The following YWHAG variants were observed in gnomAD, a reference collection of about 807,000 sequenced individuals.
YWHAG encodes 14-3-3 protein gamma.
In YWHAG, 1 loss-of-function variant was observed where a neutral mutation model predicts 23.3. The ratio of observed to expected loss-of-function variants is 0.04; its 90% CI spans 0.02 to 0.20. YWHAG has a LOEUF of 0.20. Ranked by LOEUF, YWHAG falls within the 10% of genes least tolerant of loss-of-function variation. The pLI is 1.00. For missense variants in YWHAG, 151 were observed against 338.6 expected (o/e 0.45, Z 4.35); for synonymous variants, 160 against 144.0 (o/e 1.11, Z -0.80).
At position 76,343,592 on chromosome 7, in the gene YWHAG, C is replaced by T. The variant is rs76149779; in HGVS notation, c.88-13359G>A. On this transcript the variant is annotated intron_variant, in intron 1 of 1. Coordinates refer to ENST00000307630, the MANE Select transcript of YWHAG (RefSeq NM_012479.4). ...TTCAAAAAGGGTCCTAGTAATTCCT[C>T]CTGATTCTGTCATTCCTTCCACCCA... 6.9e-3 allele frequency among the ~76,000 whole-genome samples: 1,054 copies of T among 152,290 alleles called. 8 individuals are homozygous for T. The highest frequency in any genetic ancestry group is 0.032 in the East Asian group (167 of 5,188).
At chr7:76,349,334 T>C (rs1803836298) in intron 1 of YWHAG, among the ~76,000 whole-genome samples, 1 of 112,138 alleles carries the variant, frequency 8.9e-6, no homozygotes. Context: ...GCAGACTCTG[T>C]CTCAAAAAAA....
At chr7:76,357,913 G>A (rs1238654235) in intron 1 of YWHAG, among the ~76,000 whole-genome samples, 1 of 152,126 alleles carries the variant, frequency 6.6e-6, no homozygotes, top group African/African-American at 2.4e-5. Context: ...TATGTCACAC[G>A]AATCGAACCA....
At chr7:76,358,464 C>T (rs1803996133) in intron 1 of YWHAG, among the ~76,000 whole-genome samples, 1 of 152,038 alleles carries the variant, frequency 6.6e-6, no homozygotes, top group Non-Finnish European at 1.5e-5. Flanking sequence ...CAAGTCCAGC[C>T]CCGCGGGACC....
In YWHAG at chr7:76,329,504, A is replaced by AC; in HGVS notation, c.*72dup. The AC allele has an allele frequency of 1.4e-5, 8 of 580,820 alleles. No homozygotes were observed. Among genetic ancestry groups the AC allele is most frequent in the Non-Finnish European group, 1.7e-5 (6 of 355,214 alleles). 36.0% of individuals were successfully genotyped at this position (580,820 alleles called of 1,614,324 possible). On this transcript the variant is annotated 3_prime_UTR_variant, in exon 2 of 2. Coordinates refer to ENST00000307630, the MANE Select transcript of YWHAG (RefSeq NM_012479.4). This position sits in a 1 kb window ranked among gnomAD's most constrained non-coding sequence, Gnocchi z 6.1. ...TCCCTCCCTTTCCCTCCCCCACCCGACCCCCAACTCATGGGAAAAAAATAA... is the reference window on the plus strand; with the variant it reads ...TCCCTCCCTTTCCCTCCCCCACCCGACCCCCCAACTCATGGGAAAAAAATAA...
chr7:76,351,526 G>C (rs1015017662), intron 1 of YWHAG, among the ~76,000 whole-genome samples: 5 of 152,134 alleles, frequency 3.3e-5, no homozygotes, highest in African/African-American at 1.2e-4. Context: ...GGCCTGTCAC[G>C]AACCTGGCTG....
intron 1 of YWHAG, among the ~76,000 whole-genome samples, chr7:76,357,607 G>A (rs1034890723): frequency 6.6e-6 from 1 of 152,066 alleles, no homozygotes; most frequent in Admixed American, 6.6e-5. Flanking sequence ...GACAACTGGC[G>A]ATCGGTATTC....
chr7:76,358,970 G>A lies in YWHAG; in HGVS notation c.-162C>T, dbSNP rs1046629126. 11 of 571,434 alleles carry A rather than the reference G, an allele frequency of 1.9e-5. No homozygotes were observed. The highest frequency in any genetic ancestry group is 4.3e-5 in the Admixed American group (1 of 23,134). 35.4% of individuals were successfully genotyped at this position (571,434 alleles called of 1,614,324 possible). A position where few individuals can be genotyped will look rare whatever the true frequency, so the allele number is the denominator to read the frequency against. ...GGAGGCGGCTGGAGCTGCGACCGCG[G>A]GACCGGGCGCGAGGCGGCTGCGGCT... On this transcript the variant is annotated 5_prime_UTR_variant, in exon 1 of 2. Coordinates refer to ENST00000307630, the MANE Select transcript of YWHAG (RefSeq NM_012479.4).
intron 1 of YWHAG, among the ~76,000 whole-genome samples, chr7:76,349,674 T>G (rs1229825776): frequency 1.3e-5 from 2 of 152,224 alleles, no homozygotes; most frequent in African/African-American, 4.8e-5. Context: ...GCCATATTGT[T>G]TGCCCTTCCT....
intron 1 of YWHAG, among the ~76,000 whole-genome samples, chr7:76,357,032 TAGAAATATGGAAA>T (rs547735882): frequency 1.6e-3 from 240 of 152,354 alleles, no homozygotes; most frequent in African/African-American, 5.4e-3. Context: ...CCTGTGGAAC[TAGAAATATGGAAA>T]AGAAATATGG....
At chr7:76,355,232 A>T (rs768561569) in intron 1 of YWHAG, among the ~76,000 whole-genome samples, 2 of 152,224 alleles carry the variant, frequency 1.3e-5, no homozygotes, top group African/African-American at 2.4e-5. Flanking sequence ...TTACCTCGAT[A>T]AAAACACATC....
chr7:76,332,980 CTTTA>C (rs1386933616), intron 1 of YWHAG, among the ~76,000 whole-genome samples: 2 of 151,118 alleles, frequency 1.3e-5, no homozygotes, highest in East Asian at 3.9e-4. Context: ...TTATTTATTT[CTTTA>C]TTTAGAGATG....
chr7:76,348,569 A>C (rs1310446110), intron 1 of YWHAG, among the ~76,000 whole-genome samples: 1 of 151,722 alleles, frequency 6.6e-6, no homozygotes, highest in African/African-American at 2.4e-5. Context: ...ACGCCCGACT[A>C]ATTTTTTTGT....
At chr7:76,338,576 TAA>T (rs1276043293) in intron 1 of YWHAG, among the ~76,000 whole-genome samples, 2 of 152,120 alleles carry the variant, frequency 1.3e-5, no homozygotes, top group African/African-American at 4.8e-5. Flanking sequence ...TTTTCTATGC[TAA>T]GAGTCTCTGA....
In YWHAG at chr7:76,329,493, T is replaced by TC; in HGVS notation, c.*83dup. ...TGGGAAGGTCATCCCTCCCTTTCCC[T>TC]CCCCCACCCGACCCCCAACTCATGG... On this transcript the variant is annotated 3_prime_UTR_variant, in exon 2 of 2. Transcript: ENST00000307630. This position sits in a 1 kb window ranked among gnomAD's most constrained non-coding sequence, Gnocchi z 6.1. 2.3e-6 allele frequency: 1 copy of TC among 437,458 alleles called. No individual in the cohort carries two copies. The highest frequency in any genetic ancestry group is 4.2e-6 in the Non-Finnish European group (1 of 235,768). 27.1% of individuals were successfully genotyped at this position (437,458 alleles called of 1,614,324 possible).
In YWHAG at chr7:76,333,518, C is replaced by T. The variant is rs558368371; in HGVS notation, c.88-3285G>A. Among the ~76,000 whole-genome samples the T allele has an allele frequency of 2.4e-4, 36 of 152,376 alleles. 1 individual carries two copies. The highest frequency in any genetic ancestry group is 2.2e-3 in the Admixed American group (33 of 15,300). On this transcript the variant is annotated intron_variant, in intron 1 of 1. Transcript: ENST00000307630. Reference sequence around the variant, plus strand: ...CACAGGGGATGTCTACATTTCCTAACGATCTCCCAGCTCATCTTCCTGTAT... The same window carrying T: ...CACAGGGGATGTCTACATTTCCTAATGATCTCCCAGCTCATCTTCCTGTAT...
chr7:76,337,517 C>A (rs144740188), intron 1 of YWHAG, among the ~76,000 whole-genome samples: 1 of 151,768 alleles, frequency 6.6e-6, no homozygotes, highest in South Asian at 2.1e-4. Context: ...TCATCTCCTG[C>A]GCCTCTTCCC....
chr7:76,349,074 G>T (rs1487962955), intron 1 of YWHAG, among the ~76,000 whole-genome samples: 1 of 152,062 alleles, frequency 6.6e-6, no homozygotes, highest in Non-Finnish European at 1.5e-5. Context: ...CGGGTGTGGT[G>T]GCTCATGCCT....
At chr7:76,352,654 T>G (rs1475958962) in intron 1 of YWHAG, among the ~76,000 whole-genome samples, 1 of 147,116 alleles carries the variant, frequency 6.8e-6, no homozygotes, top group African/African-American at 2.5e-5. Flanking sequence ...AACCAAAACT[T>G]TTTTTTTTTT....
chr7:76,335,177 C>T (rs1002687740), intron 1 of YWHAG, among the ~76,000 whole-genome samples: 1 of 152,182 alleles, frequency 6.6e-6, no homozygotes, highest in Non-Finnish European at 1.5e-5. Flanking sequence ...CCTGCCTCAG[C>T]CTCCCGAGTA....
Sources: allele counts gnomAD v4.1 joint callset (sites outside exome capture counted in the v4.1 genomes callset), GRCh38; gene constraint gnomAD v4.1.1; non-coding constraint Gnocchi (gnomAD v3.1); transcripts MANE v1.5; gene names NCBI Gene and HGNC (gene_info 2026-07-23, HGNC 2026-07-21).